The following IL1RAPL1 variants were observed in gnomAD, a reference collection of about 807,000 sequenced individuals.
IL1RAPL1 encodes interleukin-1 receptor accessory protein-like 1.
IL1RAPL1 carries 3 observed loss-of-function variants against 48.4 expected under a neutral mutation model. The observed-to-expected ratio is 0.06, with a 90% CI of 0.03 to 0.16. IL1RAPL1 has a LOEUF of 0.16. Among genes scored for constraint, IL1RAPL1 ranks in the 10% least tolerant of loss-of-function variants. IL1RAPL1 has a pLI of 1.00. For synonymous variants in IL1RAPL1, 185 were observed against 187.7 expected, an observed-to-expected ratio of 0.99 and a Z score of 0.12; for missense variants, 349 against 530.6, an observed-to-expected ratio of 0.66 and a Z score of 3.36.
chrX:29,397,799 A>G (rs972122450), intron 4 of IL1RAPL1, among the ~76,000 whole-genome samples: 3 of 111,387 alleles, frequency 2.7e-5, no homozygotes, highest in Non-Finnish European at 3.8e-5. Context: ...CAGCTTCTAA[A>G]TATGCAGTGT....
Position 29,876,932 on chromosome X carries a change from C to T in IL1RAPL1, c.779-40532C>T, listed in dbSNP as rs137956946. 3.8e-3 allele frequency among the ~76,000 whole-genome samples: 425 copies of T among 111,911 alleles called. 2 individuals carry two copies. Among genetic ancestry groups the T allele is most frequent in the African/African-American group, 0.012 (363 of 30,846 alleles). The stretch of plus-strand genomic sequence containing the variant: ...AAAGCACAAAGCAACCTGCTCCACG[C>T]GCCTCAGATGCCTTTCTGAATCACC... On this transcript the variant is annotated intron_variant, in intron 6 of 10. Transcript: ENST00000378993.
intron 6 of IL1RAPL1, among the ~76,000 whole-genome samples, chrX:29,896,242 C>G (rs1932380628): frequency 8.9e-6 from 1 of 111,882 alleles, no homozygotes; most frequent in South Asian, 3.7e-4. Flanking sequence ...CATTACTTAG[C>G]ACCTGGTATG....
intron 6 of IL1RAPL1, among the ~76,000 whole-genome samples, chrX:29,880,253 AAG>A (rs777510906): frequency 5.4e-5 from 6 of 111,958 alleles, no homozygotes; most frequent in Non-Finnish European, 9.4e-5. Context: ...ATGTAAAAGA[AAG>A]AGAAAAAGGA....
intron 2 of IL1RAPL1, among the ~76,000 whole-genome samples, chrX:28,925,375 T>C (rs1310810290): frequency 4.5e-5 from 5 of 111,882 alleles, no homozygotes; most frequent in Non-Finnish European, 7.5e-5. Flanking sequence ...CGGATTCATC[T>C]TTTTGCCAAA....
intron 6 of IL1RAPL1, among the ~76,000 whole-genome samples, chrX:29,769,443 T>G (rs1345404782): frequency 5.9e-5 from 4 of 68,189 alleles, no homozygotes; most frequent in Non-Finnish European, 1.1e-4. Context: ...TTTTTTTTTT[T>G]TTTTTTTTTT....
At chrX:28,681,615 A>C (rs1935060603) in intron 1 of IL1RAPL1, among the ~76,000 whole-genome samples, 1 of 111,759 alleles carries the variant, frequency 8.9e-6, no homozygotes, top group Non-Finnish European at 1.9e-5. Context: ...ACAATGAAAG[A>C]TACTTGGAAT....
chrX:28,772,665 T>A (rs1246248040), intron 1 of IL1RAPL1, among the ~76,000 whole-genome samples: 1 of 112,326 alleles, frequency 8.9e-6, no homozygotes, highest in Non-Finnish European at 1.9e-5. Flanking sequence ...TGCTTCTTAA[T>A]CATTATCATG....
chrX:28,840,117 A>G (rs1198383209), intron 2 of IL1RAPL1, among the ~76,000 whole-genome samples: 1 of 110,322 alleles, frequency 9.1e-6, no homozygotes, highest in African/African-American at 3.3e-5. Flanking sequence ...TTCTAAAGCA[A>G]TGGAAACAGG....
At chrX:29,865,880 C>A (rs1931685666) in intron 6 of IL1RAPL1, among the ~76,000 whole-genome samples, 1 of 106,305 alleles carries the variant, frequency 9.4e-6, no homozygotes, top group Non-Finnish European at 1.9e-5. Flanking sequence ...GAACTCCTGA[C>A]CTCAAGTGAT....
intron 5 of IL1RAPL1, among the ~76,000 whole-genome samples, chrX:29,453,974 A>T (rs1602242410): frequency 8.9e-6 from 1 of 112,546 alleles, no homozygotes; most frequent in East Asian, 2.8e-4. Flanking sequence ...GGAAAAGATA[A>T]CATTAAGACA....
intron 2 of IL1RAPL1, among the ~76,000 whole-genome samples, chrX:28,987,752 G>A (rs1025992838): frequency 4.5e-5 from 5 of 112,002 alleles, no homozygotes; most frequent in African/African-American, 9.7e-5. Flanking sequence ...GGTGGGTTTT[G>A]TCTTGATAAT....
chrX:28,899,867 A>T (rs1362008236), intron 2 of IL1RAPL1, among the ~76,000 whole-genome samples: 1 of 111,541 alleles, frequency 9.0e-6, no homozygotes, highest in African/African-American at 3.3e-5. Flanking sequence ...ACAGATGTAC[A>T]ATTGACCTTC....
chrX:29,198,178 C>T (rs964852072), intron 2 of IL1RAPL1, among the ~76,000 whole-genome samples: 1 of 111,878 alleles, frequency 8.9e-6, no homozygotes, highest in Non-Finnish European at 1.9e-5. Context: ...AATAAGAGAA[C>T]ATTTAATAAG....
At chrX:29,108,197 T>C (rs1928486693) in intron 2 of IL1RAPL1, among the ~76,000 whole-genome samples, 1 of 111,832 alleles carries the variant, frequency 8.9e-6, no homozygotes, top group Admixed American at 9.5e-5. Context: ...GATATACTCC[T>C]TTGTGTCAGG....
At chrX:28,981,625 G>C (rs1430821313) in intron 2 of IL1RAPL1, among the ~76,000 whole-genome samples, 2 of 111,669 alleles carry the variant, frequency 1.8e-5, no homozygotes, top group Non-Finnish European at 3.8e-5. Context: ...ATTTTGTGAT[G>C]GTCTATATTG....
At chrX:28,909,603 T>G (rs867214967) in intron 2 of IL1RAPL1, among the ~76,000 whole-genome samples, 11 of 111,940 alleles carry the variant, frequency 9.8e-5, no homozygotes, top group South Asian at 7.4e-4. Context: ...ATTGAATTTC[T>G]GAAGAACTTT....
At chrX:28,870,811 A>G (rs1402438929) in intron 2 of IL1RAPL1, among the ~76,000 whole-genome samples, 1 of 111,280 alleles carries the variant, frequency 9.0e-6, no homozygotes, top group Non-Finnish European at 1.9e-5. Flanking sequence ...GTGTTACTTA[A>G]TTCCAAGGGA....
At chrX:29,821,468 A>AAAAAAT in intron 6 of IL1RAPL1, among the ~76,000 whole-genome samples, 1 of 106,817 alleles carries the variant, frequency 9.4e-6, no homozygotes, top group South Asian at 4.2e-4. Flanking sequence ...AAAATAAAAT[A>AAAAAAT]AAAATAAAAT....
chrX:29,459,774 C>G (rs749286382), intron 5 of IL1RAPL1, among the ~76,000 whole-genome samples: 5 of 111,911 alleles, frequency 4.5e-5, no homozygotes, highest in Non-Finnish European at 7.5e-5. Flanking sequence ...GGTGAGAACA[C>G]ATAAAGTCTA....
Sources: allele counts gnomAD v4.1 joint callset (sites outside exome capture counted in the v4.1 genomes callset), GRCh38; gene constraint gnomAD v4.1.1; transcripts MANE v1.5; gene names NCBI Gene and HGNC (gene_info 2026-07-23, HGNC 2026-07-21).